The following RGS20 variants were observed in gnomAD, a reference collection of about 807,000 sequenced individuals.
RGS20 encodes the protein regulator of G protein signaling 20.
A neutral mutation model predicts 33.6 loss-of-function variants in RGS20; 30 were observed. That is an observed-to-expected ratio of 0.89 (90% CI 0.67 to 1.21). The LOEUF (loss-of-function observed/expected upper bound fraction) is 1.21, where lower values mean the gene tolerates loss of function less well. Among genes scored for constraint, RGS20 ranks in the 50% most tolerant of loss-of-function variants. The probability of loss-of-function intolerance (pLI) is 0.00; values close to 1 mark genes in which losing one functional copy is unlikely to be tolerated. For missense variants in RGS20, 472 were observed against 502.4 expected (o/e 0.94, Z 0.58); for synonymous variants, 208 against 197.9 (o/e 1.05, Z -0.43).
intron 2 of RGS20, among the ~76,000 whole-genome samples, chr8:53,933,440 A>T (rs1412272405): frequency 6.6e-6 from 1 of 152,210 alleles, no homozygotes; most frequent in Non-Finnish European, 1.5e-5. Flanking sequence ...TGAAAAACAC[A>T]GCACAAGAAC....
At chr8:53,958,228 A>G (rs1317382888) in intron 5 of RGS20, 42 bp from the exon 5 acceptor site, 2 of 1,432,030 alleles carry the variant, frequency 1.4e-6, no homozygotes, top group Non-Finnish European at 1.9e-6. Flanking sequence ...TAGAGATACA[A>G]CTGAAGTCTC....
chr8:53,938,314 A>C (rs1056766676), intron 2 of RGS20, among the ~76,000 whole-genome samples: 4 of 152,200 alleles, frequency 2.6e-5, no homozygotes, highest in African/African-American at 9.7e-5. Flanking sequence ...GTTCTCGCTC[A>C]TAAGTGGGAA....
intron 1 of RGS20, among the ~76,000 whole-genome samples, chr8:53,873,045 G>C (rs971499120): frequency 6.6e-6 from 1 of 152,088 alleles, no homozygotes; most frequent in East Asian, 1.9e-4. Context: ...CAAATCCCTC[G>C]TGGCTGGGTG....
rs1812225995 is a variant in RGS20, at chr8:53,877,147, C to T, written c.166-2111C>T. Among the ~76,000 whole-genome samples the T allele has an allele frequency of 6.6e-6, 1 of 152,208 alleles. No homozygotes were observed. The highest frequency in any genetic ancestry group is 2.1e-4 in the South Asian group (1 of 4,836). ...GTTGGGCGTGCGTCGCAGAACAGTGCTGGGCGCTCTCTTTCAGCATTTTCG... is the reference window on the plus strand; with the variant it reads ...GTTGGGCGTGCGTCGCAGAACAGTGTTGGGCGCTCTCTTTCAGCATTTTCG... On this transcript the variant is annotated intron_variant, in intron 1 of 5. Coordinates refer to ENST00000297313, the MANE Select transcript of RGS20 (RefSeq NM_170587.4). The surrounding 1 kb of genome is among the most constrained non-coding windows in gnomAD (Gnocchi z 5.7).
At chr8:53,910,801 A>G (rs762206051) in intron 2 of RGS20, among the ~76,000 whole-genome samples, 34 of 152,226 alleles carry the variant, frequency 2.2e-4, no homozygotes, top group Admixed American at 1.5e-3. Context: ...CAAAAGCATT[A>G]CGCTAAGTGA....
chr8:53,888,367 T>C (rs1812607192), intron 2 of RGS20, among the ~76,000 whole-genome samples: 1 of 152,258 alleles, frequency 6.6e-6, no homozygotes, highest in South Asian at 2.1e-4. Context: ...ACTTGAGTTA[T>C]AACTTACAGT....
chr8:53,923,703 C>T (rs749262614), intron 2 of RGS20, among the ~76,000 whole-genome samples: 4 of 152,164 alleles, frequency 2.6e-5, no homozygotes, highest in African/African-American at 7.2e-5. Flanking sequence ...CGTAGCCATT[C>T]GGGAACCAAA....
chr8:53,893,083 C>T (rs2129278197), intron 2 of RGS20, among the ~76,000 whole-genome samples: 1 of 152,040 alleles, frequency 6.6e-6, no homozygotes, highest in East Asian at 1.9e-4. Flanking sequence ...CGTGTTATAT[C>T]AAGTAGGGCT....
intron 2 of RGS20, among the ~76,000 whole-genome samples, chr8:53,901,185 A>G (rs1409230308): frequency 2.0e-5 from 3 of 150,068 alleles, no homozygotes; most frequent in African/African-American, 7.4e-5. Context: ...CTCCTGCTTC[A>G]GCCTCCCGAG....
chr8:53,863,558 T>C (rs994717457), intron 1 of RGS20, among the ~76,000 whole-genome samples: 4 of 152,098 alleles, frequency 2.6e-5, no homozygotes, highest in Admixed American at 6.6e-5. Flanking sequence ...CTTGAAGATG[T>C]CCTTTTTTAC....
chr8:53,952,204 A>C (rs1157077889), intron 4 of RGS20, among the ~76,000 whole-genome samples: 3 of 134,186 alleles, frequency 2.2e-5, no homozygotes, highest in African/African-American at 8.2e-5. Context: ...CAGCCTCCCG[A>C]GTAGCTGGGA....
chr8:53,935,438 A>G (rs1401930325), intron 2 of RGS20, among the ~76,000 whole-genome samples: 1 of 152,244 alleles, frequency 6.6e-6, no homozygotes, highest in Non-Finnish European at 1.5e-5. Flanking sequence ...CACTGATCCC[A>G]CAGAAATACA....
chr8:53,905,906 A>T (rs1295791345), intron 2 of RGS20, among the ~76,000 whole-genome samples: 1 of 152,058 alleles, frequency 6.6e-6, no homozygotes. Flanking sequence ...TTCAAATGAG[A>T]TTTGTCCCTC....
intron 1 of RGS20, chr8:53,852,091 C>A: frequency 6.4e-7 from 1 of 1,570,564 alleles, no homozygotes; most frequent in Non-Finnish European, 8.7e-7. Flanking sequence ...AATCCATGAT[C>A]CTTTCCCGTC....
intron 2 of RGS20, among the ~76,000 whole-genome samples, chr8:53,890,489 A>G (rs767014985): frequency 6.6e-6 from 1 of 152,162 alleles, no homozygotes. Flanking sequence ...GACATTGTAT[A>G]TAAAGAAACT....
intron 4 of RGS20, 42 bp from the exon 4 acceptor site, chr8:53,954,034 T>G (rs1287121903): frequency 7.5e-7 from 1 of 1,327,396 alleles, no homozygotes; most frequent in Non-Finnish European, 1.1e-6. Flanking sequence ...TAACTACCAC[T>G]AACAGTTCCC....
intron 2 of RGS20, among the ~76,000 whole-genome samples, chr8:53,931,357 C>T (rs1008642767): frequency 6.6e-6 from 1 of 152,136 alleles, no homozygotes; most frequent in African/African-American, 2.4e-5. Flanking sequence ...GAGTTTGCGA[C>T]CAGCTTGGCC....
At chr8:53,950,279 T>A (rs1814671947) in intron 4 of RGS20, among the ~76,000 whole-genome samples, 1 of 152,150 alleles carries the variant, frequency 6.6e-6, no homozygotes, top group Admixed American at 6.5e-5. Flanking sequence ...AAATAAATAA[T>A]TAGTGAACCT....
rs772111385 is a variant in RGS20, at chr8:53,851,992, T to C, written c.93T>C (p.Ala31=). The C allele has an allele frequency of 3.1e-6, 5 of 1,614,168 alleles. No individual in the cohort carries two copies. The highest frequency in any genetic ancestry group is 4.2e-6 in the Non-Finnish European group (5 of 1,180,006). The change falls in exon 1 of 6, where the codon GCT becomes GCC. Residue 31 remains alanine (A), a synonymous_variant. Transcript: ENST00000297313. ...CACAGTTTCTGCCCCTGTTCAGGGC[T>C]CAGAGATATAATACAGACATTCACC... is the stretch of plus-strand genomic sequence containing the variant.
Sources: allele counts gnomAD v4.1 joint callset (sites outside exome capture counted in the v4.1 genomes callset), GRCh38; gene constraint gnomAD v4.1.1; non-coding constraint Gnocchi (gnomAD v3.1); transcripts MANE v1.5; gene names NCBI Gene and HGNC (gene_info 2026-07-23, HGNC 2026-07-21).